The following HOXC4 variants were observed in gnomAD, a reference collection of about 807,000 sequenced individuals.
HOXC4 encodes homeobox protein Hox-C4.
In HOXC4, 15 loss-of-function variants were observed where a neutral mutation model predicts 25.5. The ratio of observed to expected loss-of-function variants is 0.59; its 90% CI spans 0.39 to 0.91. HOXC4 has a LOEUF of 0.91. HOXC4 is among the 40% of genes least tolerant of loss of function. The probability of loss-of-function intolerance (pLI) is 0.00; values close to 1 mark genes in which losing one functional copy is unlikely to be tolerated. For missense variants in HOXC4, 342 were observed against 352.4 expected (o/e 0.97, Z 0.24); for synonymous variants, 165 against 148.0 (o/e 1.11, Z -0.83).
chr12:54,030,140 C>CA (rs1290076597), intron 1 of HOXC4: 1 of 602,144 alleles, frequency 1.7e-6, no homozygotes, highest in Non-Finnish European at 2.8e-6. Context: ...CCTCACCGCA[C>CA]AACTCTCTTT....
chr12:54,050,489 C>CA (rs1482043264), upstream of HOXC4, among the ~76,000 whole-genome samples: 1 of 152,166 alleles, frequency 6.6e-6, no homozygotes, highest in Non-Finnish European at 1.5e-5. Flanking sequence ...GAGGGTGAAA[C>CA]ACAAAAGAAG....
chr12:54,046,492 C>T (rs1463904419), intron 1 of HOXC4, among the ~76,000 whole-genome samples: 1 of 152,012 alleles, frequency 6.6e-6, no homozygotes, highest in Admixed American at 6.5e-5. Flanking sequence ...TGAACTTCTT[C>T]CCAGTCAGAA....
chr12:54,036,042 C>T (rs935207633), intron 1 of HOXC4, among the ~76,000 whole-genome samples: 1 of 151,834 alleles, frequency 6.6e-6, no homozygotes, highest in African/African-American at 2.4e-5. Context: ...CTGCATAGAC[C>T]AGTGCTGGAG....
chr12:54,028,954 T>A, intron 1 of HOXC4: 1 of 1,568,434 alleles, frequency 6.4e-7, no homozygotes, highest in Non-Finnish European at 8.6e-7. Context: ...ATAAATTAAA[T>A]AAACTGAACT....
chr12:54,054,334 T>C lies in HOXC4; in HGVS notation c.412T>C (p.Trp138Arg). Residue 138 changes from tryptophan to arginine, a missense_variant, in exon 1 of 2, where the codon TGG becomes CGG. Physicochemically the swap from Trp to Arg is moderately radical, Grantham distance 101. Transcript: ENST00000430889. ...AASKQPIVYPWMKKIHVSTVN... is the reference protein window; with the variant it reads ...AASKQPIVYPRMKKIHVSTVN... Reference sequence around the variant, plus strand: ...CAGCAAGCAACCCATAGTCTACCCATGGATGAAAAAAATTCACGTTAGCAC... The same window carrying C: ...CAGCAAGCAACCCATAGTCTACCCACGGATGAAAAAAATTCACGTTAGCAC... 2 of 1,566,244 alleles carry C rather than the reference T, an allele frequency of 1.3e-6. No individual in the cohort carries two copies. The highest frequency in any genetic ancestry group is 1.7e-6 in the Non-Finnish European group (2 of 1,158,610).
chr12:54,026,995 C>A (rs917177420), intron 1 of HOXC4, among the ~76,000 whole-genome samples: 1 of 151,496 alleles, frequency 6.6e-6, no homozygotes, highest in East Asian at 1.9e-4. Context: ...TTTCTCTGCT[C>A]CCCGCACACT....
At chr12:54,038,650 T>C (rs1941225186) in intron 1 of HOXC4, among the ~76,000 whole-genome samples, 1 of 152,222 alleles carries the variant, frequency 6.6e-6, no homozygotes, top group Admixed American at 6.5e-5. Flanking sequence ...TTAGTCCGTC[T>C]GAAGCCAGTG....
In HOXC4 at chr12:54,053,871, T is replaced by C. The variant is rs1050530369; in HGVS notation, c.-52T>C. On this transcript the variant is annotated 5_prime_UTR_variant, in exon 1 of 2. It removes an upstream start codon present in the reference 5' UTR. Coordinates refer to ENST00000430889, the MANE Select transcript of HOXC4 (RefSeq NM_153633.3). ...GTCGCTAGCTAGTAGGAGGGCTTTATGGAGCAGAAAAACGACAAAGCGAGA... is the reference window on the plus strand; with the variant it reads ...GTCGCTAGCTAGTAGGAGGGCTTTACGGAGCAGAAAAACGACAAAGCGAGA... 1.4e-6 allele frequency: 2 copies of C among 1,460,612 alleles called. No individual in the cohort carries two copies. The highest frequency in any genetic ancestry group is 1.7e-5 in the Admixed American group (1 of 57,558). The allele number at this position is 1,460,612 out of a possible 1,614,324, so 90.5% of individuals were successfully genotyped here.
chr12:54,034,428 G>C, intron 1 of HOXC4: 2 of 1,614,264 alleles, frequency 1.2e-6, no homozygotes, highest in Non-Finnish European at 1.7e-6. Flanking sequence ...ATCAAGATCT[G>C]GTTCCAGAAC....
chr12:54,036,679 T>G (rs1445834845), intron 1 of HOXC4, among the ~76,000 whole-genome samples: 1 of 151,828 alleles, frequency 6.6e-6, no homozygotes, highest in Non-Finnish European at 1.5e-5. Context: ...ACCAGTGCTC[T>G]CTCTCTCTCT....
chr12:54,042,941 G>A (rs1312702992), intron 1 of HOXC4, among the ~76,000 whole-genome samples: 6 of 152,032 alleles, frequency 3.9e-5, no homozygotes, highest in Non-Finnish European at 8.8e-5. Context: ...GAGGAACTTC[G>A]GTGATACAAA....
chr12:54,027,912 T>A (rs185550314), intron 1 of HOXC4, among the ~76,000 whole-genome samples: 80 of 152,228 alleles, frequency 5.3e-4, no homozygotes, highest in African/African-American at 1.0e-3. Flanking sequence ...GATTTTTTTT[T>A]AATTATTGGT....
intron 1 of HOXC4, among the ~76,000 whole-genome samples, chr12:54,041,982 T>TTTTC (rs1206780574): frequency 6.4e-4 from 90 of 140,142 alleles, no homozygotes; most frequent in African/African-American, 2.6e-3. Context: ...CTTTTCTTTT[T>TTTTC]TTTTTTTTTT....
rs370264705 is a variant in HOXC4 at position 54,023,558 on chromosome 12, G to T, written c.-124+6144G>T. ...AGAGGAATCACCAGCGCAGGCCTTG[G>T]AGGTGTTTGGGGGCAGTTCTCAGCA... On this transcript the variant is annotated intron_variant, in intron 1 of 3. Coordinates refer to the HOXC4 transcript ENST00000303406. Among the ~76,000 whole-genome samples the T allele has an allele frequency of 2.0e-4, 31 of 152,274 alleles. 1 individual carries two copies. Among genetic ancestry groups the T allele is most frequent in the African/African-American group, 7.2e-4 (30 of 41,564 alleles).
At chr12:54,021,797 G>C (rs1940460035) in intron 1 of HOXC4, 1 of 152,506 alleles carries the variant, frequency 6.6e-6, no homozygotes, top group Non-Finnish European at 1.5e-5. Flanking sequence ...TGTTTATTGT[G>C]TCTGTGAGTT....
intron 1 of HOXC4, among the ~76,000 whole-genome samples, chr12:54,032,328 G>GC (rs1811552640): frequency 6.6e-6 from 1 of 152,198 alleles, no homozygotes; most frequent in Non-Finnish European, 1.5e-5. Context: ...CTCCTCCTGG[G>GC]CGTCCTGTCT....
intron 1 of HOXC4, chr12:54,038,073 C>T (rs1318723406): frequency 6.6e-6 from 1 of 152,166 alleles, no homozygotes; most frequent in African/African-American, 2.4e-5. Context: ...CTAACCACCC[C>T]CCTCACTTGA....
intron 1 of HOXC4, among the ~76,000 whole-genome samples, chr12:54,036,963 C>T (rs1053099361): frequency 6.6e-6 from 1 of 152,190 alleles, no homozygotes; most frequent in Non-Finnish European, 1.5e-5. Context: ...GTTAGAGCTG[C>T]CAGGCAGGGC....
intron 1 of HOXC4, chr12:54,034,541 C>T (rs1189435686): frequency 1.4e-6 from 2 of 1,481,002 alleles, no homozygotes; most frequent in East Asian, 4.5e-5. Flanking sequence ...GTTCCTGTCC[C>T]TGCGCCTTTC....
Sources: allele counts gnomAD v4.1 joint callset (sites outside exome capture counted in the v4.1 genomes callset), GRCh38; gene constraint gnomAD v4.1.1; transcripts MANE v1.5; gene names NCBI Gene and HGNC (gene_info 2026-07-23, HGNC 2026-07-21).